FBXO25: variants seen among roughly 807,000 people sequenced by gnomAD.
FBXO25 encodes F-box only protein 25.
Under a neutral mutation model 51.9 loss-of-function variants are expected in FBXO25, and 45 were observed. That is an observed-to-expected ratio of 0.87 (90% CI 0.68 to 1.11). The LOEUF (loss-of-function observed/expected upper bound fraction) is 1.11. Among genes scored for constraint, FBXO25 ranks in the 50% most tolerant of loss-of-function variants. The pLI is 0.00. For missense variants in FBXO25, 507 were observed against 428.5 expected (o/e 1.18, Z -1.62); for synonymous variants, 199 against 151.0 (o/e 1.32, Z -2.33).
intron 5 of FBXO25, among the ~76,000 whole-genome samples, chr8:445,411 C>A (rs1798676869): frequency 6.6e-6 from 1 of 152,318 alleles, no homozygotes; most frequent in African/African-American, 2.4e-5. Flanking sequence ...AGCAGCAGTT[C>A]CAAACCCAAA....
At chr8:426,570 C>G (rs1369382506) in intron 2 of FBXO25, among the ~76,000 whole-genome samples, 3 of 152,110 alleles carry the variant, frequency 2.0e-5, no homozygotes, top group Non-Finnish European at 4.4e-5. Context: ...CCAAGTGGCA[C>G]ACGCAGGAAG....
intron 5 of FBXO25, among the ~76,000 whole-genome samples, chr8:439,360 C>T (rs1251907165): frequency 6.6e-6 from 1 of 152,142 alleles, no homozygotes; most frequent in Non-Finnish European, 1.5e-5. Flanking sequence ...GCACGGTGTG[C>T]AACTGAAATT....
intron 1 of FBXO25, among the ~76,000 whole-genome samples, chr8:412,464 G>C (rs189032381): frequency 6.6e-6 from 1 of 152,246 alleles, no homozygotes; most frequent in African/African-American, 2.4e-5. Context: ...TTTCCTCCAG[G>C]TGACCCTCAC....
Position 468,897 on chromosome 8 carries a change from C to T in FBXO25, c.*93C>T, listed in dbSNP as rs951633508. Reference sequence around the variant, plus strand: ...TTCTGTGAGGTGGGTGGAGACTCCTCGGAAGCCCCTGCTTCCAGAAAGCCT... The same window carrying T: ...TTCTGTGAGGTGGGTGGAGACTCCTTGGAAGCCCCTGCTTCCAGAAAGCCT... On this transcript the variant is annotated 3_prime_UTR_variant, in exon 10 of 10. Transcript: ENST00000350302. The T allele has an allele frequency of 1.8e-5, 21 of 1,179,936 alleles. No homozygotes were observed. Among genetic ancestry groups the T allele is most frequent in the African/African-American group, 4.7e-5 (3 of 64,432 alleles). 73.1% of individuals were successfully genotyped at this position (1,179,936 alleles called of 1,614,324 possible).
rs564154210 is a variant in FBXO25, at chr8:459,537, C to A, written c.843+986C>A. On this transcript the variant is annotated intron_variant, in intron 8 of 9. Transcript: ENST00000350302. ...CCTCTGTTCTTGTTTGAGGACTAGGCTGGAGTGGATACAAGAGGATCCATG... is the reference window on the plus strand; with the variant it reads ...CCTCTGTTCTTGTTTGAGGACTAGGATGGAGTGGATACAAGAGGATCCATG... Among the ~76,000 whole-genome samples the A allele has an allele frequency of 1.5e-4, 23 of 152,298 alleles. No individual in the cohort carries two copies. In the South Asian group the frequency reaches 4.8e-3, roughly 32 times the overall value.
chr8:468,281 A>C (rs768967938), intron 9 of FBXO25: 129 of 1,016,176 alleles, frequency 1.3e-4, no homozygotes, highest in Non-Finnish European at 1.5e-4. Flanking sequence ...AAGCTGATTC[A>C]GGGATGAATG....
intron 2 of FBXO25, among the ~76,000 whole-genome samples, chr8:423,175 G>A (rs1797258674): frequency 6.6e-6 from 1 of 150,874 alleles, no homozygotes; most frequent in Admixed American, 6.6e-5. Flanking sequence ...TGTCTTCCTG[G>A]ACTTCCCTCA....
chr8:467,282 G>A (rs1276763353), intron 9 of FBXO25, among the ~76,000 whole-genome samples: 1 of 152,176 alleles, frequency 6.6e-6, no homozygotes, highest in Non-Finnish European at 1.5e-5. Context: ...GACTTAATGT[G>A]CATTACTGAG....
chr8:457,008 T>C (rs1799483323), intron 7 of FBXO25, among the ~76,000 whole-genome samples: 2 of 151,578 alleles, frequency 1.3e-5, no homozygotes, highest in South Asian at 4.1e-4. Context: ...CAAAAATAGA[T>C]GGTCACTGTG....
At chr8:460,838 G>A (rs888592157) in intron 8 of FBXO25, among the ~76,000 whole-genome samples, 5 of 152,180 alleles carry the variant, frequency 3.3e-5, no homozygotes, top group Non-Finnish European at 5.9e-5. Context: ...TATTTTGCAA[G>A]TAGTCTTCTT....
chr8:430,688 C>G (rs1481313054), intron 2 of FBXO25, among the ~76,000 whole-genome samples: 2 of 152,134 alleles, frequency 1.3e-5, no homozygotes, highest in Non-Finnish European at 2.9e-5. Flanking sequence ...ATGTGGATTA[C>G]TATTTACAGG....
chr8:435,032 C>G (rs577189742), intron 4 of FBXO25, among the ~76,000 whole-genome samples: 3 of 152,144 alleles, frequency 2.0e-5, no homozygotes, highest in African/African-American at 7.2e-5. Context: ...TGCTGGTTTT[C>G]AGAAGCACCT....
Position 474,571 on chromosome 8 carries a change from C to G in FBXO25, c.*5767C>G, listed in dbSNP as rs566535188. ...ACACCTGTTTTTAATAATTGCCATC[C>G]TAATGAGTGTGAAGTGGTATCCTGC... On this transcript the variant is annotated 3_prime_UTR_variant, in exon 10 of 10. Transcript: ENST00000350302. The G allele has an allele frequency of 2.7e-5, 10 of 365,822 alleles. No homozygotes were observed. The highest frequency in any genetic ancestry group is 4.7e-5 in the Non-Finnish European group (9 of 189,748). 22.7% of individuals were successfully genotyped at this position (365,822 alleles called of 1,614,324 possible).
At chr8:457,555 A>G (rs1422489484) in intron 7 of FBXO25, among the ~76,000 whole-genome samples, 1 of 152,180 alleles carries the variant, frequency 6.6e-6, no homozygotes, top group Non-Finnish European at 1.5e-5. Context: ...GGGATGTTGG[A>G]TGGAGGGTGA....
At chr8:435,174 G>C (rs898900294) in intron 4 of FBXO25, among the ~76,000 whole-genome samples, 1 of 152,150 alleles carries the variant, frequency 6.6e-6, no homozygotes, top group Non-Finnish European at 1.5e-5. Context: ...TGCCTCCCCT[G>C]CAGAGAAATC....
At position 475,526 on chromosome 8, in the gene FBXO25, A is replaced by G. The variant is rs976760788; in HGVS notation, c.*6722A>G. On this transcript the variant is annotated 3_prime_UTR_variant, in exon 10 of 10. Coordinates refer to ENST00000350302, the MANE Select transcript of FBXO25 (RefSeq NM_183420.2). ...CTATAGATTGCTTTGGACTATGGAC[A>G]TCTTAAGGTATCCAATCCATAAACA... is the stretch of plus-strand genomic sequence containing the variant. The G allele has an allele frequency of 6.6e-6, 1 of 152,142 alleles. No individual in the cohort carries two copies. Among genetic ancestry groups the G allele is most frequent in the African/African-American group, 2.4e-5 (1 of 41,414 alleles). The allele number at this position is 152,142 out of a possible 1,614,324, so 9.4% of individuals were successfully genotyped here. A position where few individuals can be genotyped will look rare whatever the true frequency, so the allele number is the denominator to read the frequency against.
intron 2 of FBXO25, among the ~76,000 whole-genome samples, chr8:426,042 C>T (rs1317530372): frequency 1.3e-5 from 2 of 152,174 alleles, no homozygotes; most frequent in African/African-American, 2.4e-5. Flanking sequence ...CCGCCTCTAC[C>T]AGAACACTGG....
At chr8:421,671 G>C (rs1797165888) in intron 2 of FBXO25, among the ~76,000 whole-genome samples, 1 of 152,168 alleles carries the variant, frequency 6.6e-6, no homozygotes, top group Admixed American at 6.5e-5. Context: ...TGTTTTCTAA[G>C]TCTGTTGACA....
intron 1 of FBXO25, among the ~76,000 whole-genome samples, chr8:408,890 C>A (rs1157919360): frequency 1.3e-5 from 2 of 152,196 alleles, no homozygotes; most frequent in Non-Finnish European, 2.9e-5. Flanking sequence ...CCTTTGAGTG[C>A]TTGCTCTTAA....
Sources: gnomAD v4.1 joint callset for allele counts (sites outside exome capture counted in the v4.1 genomes callset) on GRCh38, gnomAD v4.1.1 for gene constraint, MANE v1.5 for transcripts, NCBI Gene and HGNC (gene_info 2026-07-23, HGNC 2026-07-21) for gene names.